The following KCNJ12 variants were observed in gnomAD, a reference collection of about 807,000 sequenced individuals.
KCNJ12 encodes the protein ATP-sensitive inward rectifier potassium channel 12.
In KCNJ12, 2 loss-of-function variants were observed where a neutral mutation model predicts 22.3. That is an observed-to-expected ratio of 0.09 (90% CI 0.04 to 0.28). The LOEUF (loss-of-function observed/expected upper bound fraction) is 0.28. KCNJ12 is among the 10% of genes least tolerant of loss of function. The pLI, the probability that KCNJ12 is intolerant of heterozygous loss-of-function variation, is 1.00. For synonymous variants in KCNJ12, 117 were observed against 261.4 expected, an observed-to-expected ratio of 0.45 and a Z score of 5.33; for missense variants, 155 against 633.3, an observed-to-expected ratio of 0.24 and a Z score of 8.11.
chr17:21,398,382 C>G (rs1205166794), intron 1 of KCNJ12, among the ~76,000 whole-genome samples: 1 of 152,168 alleles, frequency 6.6e-6, no homozygotes, highest in Non-Finnish European at 1.5e-5. Flanking sequence ...GCATGTGCAG[C>G]CGAGGGAATG....
chr17:21,394,632 G>A (rs1905292695), intron 1 of KCNJ12, among the ~76,000 whole-genome samples: 1 of 152,208 alleles, frequency 6.6e-6, no homozygotes, highest in Non-Finnish European at 1.5e-5. Context: ...GCTGGGTGAT[G>A]CACTGATTCT....
intron 2 of KCNJ12, among the ~76,000 whole-genome samples, chr17:21,410,213 G>A (rs1567704796): frequency 6.6e-6 from 1 of 152,202 alleles, no homozygotes; most frequent in Non-Finnish European, 1.5e-5. Flanking sequence ...GGCAGGGCCT[G>A]CCATGAGGGA....
intron 2 of KCNJ12, among the ~76,000 whole-genome samples, chr17:21,413,303 C>T: frequency 1.0e-5 from 1 of 99,740 alleles, no homozygotes; most frequent in South Asian, 4.1e-4. Flanking sequence ...AGCAGGGTGG[C>T]CCACCCCTCC....
At chr17:21,396,563 C>T (rs1051920785) in intron 1 of KCNJ12, among the ~76,000 whole-genome samples, 5 of 152,040 alleles carry the variant, frequency 3.3e-5, no homozygotes, top group Non-Finnish European at 5.9e-5. Context: ...GCTTGGTTCG[C>T]ACCGGTCTCA....
At chr17:21,380,710 G>A (rs1286408785) in intron 1 of KCNJ12, among the ~76,000 whole-genome samples, 7 of 152,184 alleles carry the variant, frequency 4.6e-5, no homozygotes, top group African/African-American at 2.4e-5. Flanking sequence ...TGGGGAACTC[G>A]TCATTTCCCC....
chr17:21,389,305 C>G (rs1597559564), intron 1 of KCNJ12, among the ~76,000 whole-genome samples: 1 of 152,214 alleles, frequency 6.6e-6, no homozygotes, highest in Non-Finnish European at 1.5e-5. Flanking sequence ...GCTAAGAGGA[C>G]AAGCCATTGC....
At position 21,398,229 on chromosome 17, in the gene KCNJ12, C is replaced by T. The variant is rs79854519; in HGVS notation, c.-178-10290C>T. ...CATCGTTTGAGGAAGAACGCAGGCC[C>T]GAGTCTGTGTGCATGCTGGAGGCAC... is the stretch of plus-strand genomic sequence containing the variant. On this transcript the variant is annotated intron_variant, in intron 1 of 2. Transcript: ENST00000583088. Among the ~76,000 whole-genome samples the T allele has an allele frequency of 8.6e-3, 1,309 of 152,270 alleles. 22 individuals are homozygous for T. Among genetic ancestry groups the T allele is most frequent in the African/African-American group, 0.029 (1,221 of 41,546 alleles).
intron 2 of KCNJ12, among the ~76,000 whole-genome samples, chr17:21,410,333 C>G (rs1302334394): frequency 9.9e-5 from 15 of 152,266 alleles, no homozygotes; most frequent in Non-Finnish European, 1.8e-4. Flanking sequence ...CTGGGCTTTC[C>G]AGGCCCCAGT....
chr17:21,397,184 T>A (rs972031586), intron 1 of KCNJ12, among the ~76,000 whole-genome samples: 1 of 152,238 alleles, frequency 6.6e-6, no homozygotes, highest in Non-Finnish European at 1.5e-5. Flanking sequence ...TTCATTTCTC[T>A]GGAGCTTAGT....
rs140147767 is a variant in KCNJ12 at position 21,396,743 on chromosome 17, C to G, written c.-178-11776C>G. 2.3e-3 allele frequency among the ~76,000 whole-genome samples: 350 copies of G among 152,338 alleles called. 3 individuals carry two copies. Among genetic ancestry groups the G allele is most frequent in the African/African-American group, 8.2e-3 (343 of 41,590 alleles). ...CCTAACCACTGGACCCCTGGAGTCA[C>G]CAGAGCCGGCCAAGCTGGGCCTCCA... On this transcript the variant is annotated intron_variant, in intron 1 of 2. Transcript: ENST00000583088.
intron 1 of KCNJ12, among the ~76,000 whole-genome samples, chr17:21,398,360 C>T (rs1257780990): frequency 1.3e-5 from 2 of 152,200 alleles, no homozygotes; most frequent in Non-Finnish European, 2.9e-5. Flanking sequence ...CCTCTGGCCA[C>T]TGGAGCCTTC....
chr17:21,418,207 A>C lies in KCNJ12; in HGVS notation c.*1563A>C, dbSNP rs1261870029. On this transcript the variant is annotated 3_prime_UTR_variant, in exon 3 of 3. Transcript: ENST00000583088. ...CCAGGCCCTTCCCAGGGCTGCGGAG[A>C]AAACCTGCTCTCTTCTAGTCGGGCT... The C allele has an allele frequency of 6.0e-6, 1 of 166,908 alleles. No homozygotes were observed. Among genetic ancestry groups the C allele is most frequent in the African/African-American group, 2.4e-5 (1 of 41,354 alleles). 10.3% of individuals were successfully genotyped at this position (166,908 alleles called of 1,614,324 possible).
chr17:21,408,887 A>G (rs1416313642), intron 2 of KCNJ12, among the ~76,000 whole-genome samples: 2 of 151,876 alleles, frequency 1.3e-5, no homozygotes, highest in African/African-American at 4.9e-5. Context: ...CCATCCACCC[A>G]TCCTTCCACC....
chr17:21,394,593 A>G (rs1173280972), intron 1 of KCNJ12, among the ~76,000 whole-genome samples: 1 of 152,232 alleles, frequency 6.6e-6, no homozygotes, highest in Non-Finnish European at 1.5e-5. Context: ...GGAAACAGAC[A>G]CAGGGCCCCT....
chr17:21,385,067 G>A (rs144639974), intron 1 of KCNJ12, among the ~76,000 whole-genome samples: 22 of 152,272 alleles, frequency 1.4e-4, no homozygotes, highest in African/African-American at 5.1e-4. Context: ...GAGCCACCGT[G>A]CCCGACCCAG....
chr17:21,382,761 T>C (rs1904916730), intron 1 of KCNJ12, among the ~76,000 whole-genome samples: 1 of 151,968 alleles, frequency 6.6e-6, no homozygotes, highest in African/African-American at 2.4e-5. Flanking sequence ...GTTGGCCAGG[T>C]GTGCAGCCAG....
At chr17:21,415,204 A>G (rs1906627367) in intron 2 of KCNJ12, 83 bp from the exon 3 acceptor site, 7 of 1,388,308 alleles carry the variant, frequency 5.0e-6, no homozygotes, top group Non-Finnish European at 6.9e-6. Context: ...AGCGTCCTCC[A>G]GTCACGTCTG....
chr17:21,412,235 C>T (rs1407039831), intron 2 of KCNJ12, among the ~76,000 whole-genome samples: 4 of 152,308 alleles, frequency 2.6e-5, no homozygotes, highest in Non-Finnish European at 2.9e-5. Flanking sequence ...CAGAGAGGAA[C>T]GTCGACAGAA....
At chr17:21,384,804 A>C (rs1374505536) in intron 1 of KCNJ12, among the ~76,000 whole-genome samples, 3 of 127,672 alleles carry the variant, frequency 2.3e-5, no homozygotes, top group Non-Finnish European at 3.2e-5. Context: ...ACGGAGTCTC[A>C]CTCTGTCGCC....
Sources: gnomAD v4.1 joint callset for allele counts (sites outside exome capture counted in the v4.1 genomes callset) on GRCh38, gnomAD v4.1.1 for gene constraint, MANE v1.5 for transcripts, NCBI Gene and HGNC (gene_info 2026-07-23, HGNC 2026-07-21) for gene names.